The following FGD5 variants were observed in gnomAD, a reference collection of about 807,000 sequenced individuals.
FGD5 encodes FYVE, RhoGEF and PH domain containing 5.
Under a neutral mutation model 133.4 loss-of-function variants are expected in FGD5, and 28 were observed. The ratio of observed to expected loss-of-function variants is 0.21; its 90% CI spans 0.16 to 0.29. The LOEUF is 0.29. Among genes scored for constraint, FGD5 ranks in the 10% least tolerant of loss-of-function variants. FGD5 has a pLI of 1.00. For synonymous variants in FGD5, 810 were observed against 776.5 expected (o/e 1.04, Z -0.72); for missense variants, 1,858 against 1,895.2 (o/e 0.98, Z 0.36).
At chr3:14,823,165 G>T (rs1301497224) in intron 1 of FGD5, among the ~76,000 whole-genome samples, 5 of 152,174 alleles carry the variant, frequency 3.3e-5, no homozygotes, top group Non-Finnish European at 5.9e-5. Context: ...ATAACAATCG[G>T]CAGGGGTGGA....
chr3:14,827,768 G>T (rs1337231795), intron 1 of FGD5, among the ~76,000 whole-genome samples: 1 of 152,098 alleles, frequency 6.6e-6, no homozygotes, highest in Non-Finnish European at 1.5e-5. Flanking sequence ...TGTGTGGCCA[G>T]CTGTGCCTGA....
Position 14,897,545 on chromosome 3 carries a change from A to G in FGD5, c.2785A>G (p.Met929Val). Reference protein sequence around the residue: ...HGAVMRALDDMDHEGRDTLAR... With the variant: ...HGAVMRALDDVDHEGRDTLAR... ...AGCTGTCATGAGGGCCTTGGATGAC[A>G]TGGACCATGAAGGCAGAGACACATT... is the stretch of plus-strand genomic sequence containing the variant. Residue 929 changes from methionine to valine, a missense_variant, in exon 5 of 20, where the codon ATG (methionine) becomes GTG (valine). Physicochemically the swap from Met to Val is conservative, Grantham distance 21. Coordinates refer to ENST00000285046, the MANE Select transcript of FGD5 (RefSeq NM_152536.4). 1 of 1,606,048 alleles carries G rather than the reference A, an allele frequency of 6.2e-7. No individual in the cohort carries two copies. The highest frequency in any genetic ancestry group is 8.5e-7 in the Non-Finnish European group (1 of 1,176,298).
At chr3:14,859,304 C>G (rs991927274) in intron 1 of FGD5, among the ~76,000 whole-genome samples, 9 of 152,102 alleles carry the variant, frequency 5.9e-5, no homozygotes, top group Non-Finnish European at 8.8e-5. Context: ...TGCCTGTAAT[C>G]CCGGCACTTT....
In FGD5 at chr3:14,841,710, G is replaced by A. The variant is rs145947316; in HGVS notation, c.2525+20114G>A. 8.8e-3 allele frequency among the ~76,000 whole-genome samples: 1,341 copies of A among 152,254 alleles called. 8 individuals carry two copies. Among genetic ancestry groups the A allele is most frequent in the Non-Finnish European group, 0.012 (824 of 68,010 alleles). The stretch of plus-strand genomic sequence containing the variant: ...GGCTTTGGAGCAGTCTGCCAGGCTG[G>A]GATCTGGGTGCAAAAGGAAGCCCTG... On this transcript the variant is annotated intron_variant, in intron 1 of 19. Transcript: ENST00000285046.
At chr3:14,881,858 G>T (rs1046260535) in intron 4 of FGD5, among the ~76,000 whole-genome samples, 1 of 152,162 alleles carries the variant, frequency 6.6e-6, no homozygotes, top group Non-Finnish European at 1.5e-5. Flanking sequence ...GGTGTTCCTG[G>T]CTGCCTTGGG....
rs1371575643 is a variant in FGD5 at position 14,820,240 on chromosome 3, T to C, written c.1169T>C (p.Val390Ala). 3.7e-6 allele frequency: 6 copies of C among 1,605,370 alleles called. No individual in the cohort carries two copies. The highest frequency in any genetic ancestry group is 5.1e-6 in the Non-Finnish European group (6 of 1,175,020). The change falls in exon 1 of 20, where the codon GTG (valine) becomes GCG (alanine). Residue 390 changes from valine (V) to alanine (A), a missense_variant. Val to Ala is a moderately conservative substitution (Grantham distance 64). Transcript: ENST00000285046. ...LGLRAEENPM[V>A]GALCGQCGSL... ...CTGCGTGCGGAGGAGAACCCCATGGTGGGGGCTTTGTGTGGCCAGTGTGGC... is the reference window on the plus strand; with the variant it reads ...CTGCGTGCGGAGGAGAACCCCATGGCGGGGGCTTTGTGTGGCCAGTGTGGC...
intron 1 of FGD5, among the ~76,000 whole-genome samples, chr3:14,844,214 AAAAATATATAT>A (rs1313867766): frequency 8.4e-5 from 3 of 35,554 alleles, no homozygotes; most frequent in Non-Finnish European, 1.0e-4. Context: ...TAAAAAAAAA[AAAAATATATAT>A]ATATATATAT....
intron 4 of FGD5, among the ~76,000 whole-genome samples, chr3:14,886,128 T>C (rs1380589184): frequency 6.6e-6 from 1 of 152,232 alleles, no homozygotes; most frequent in African/African-American, 2.4e-5. Flanking sequence ...AGCATCCATT[T>C]CCAAGGTTTC....
At chr3:14,858,972 A>G (rs545704401) in intron 1 of FGD5, among the ~76,000 whole-genome samples, 4 of 152,166 alleles carry the variant, frequency 2.6e-5, no homozygotes, top group Non-Finnish European at 5.9e-5. Flanking sequence ...TGATTTGTTT[A>G]TTTTACTGCT....
rs2038153056 is a variant in FGD5, at chr3:14,897,098, T to G, written c.2749-411T>G. ...GTGGATGCCTATAATTTCCTTAGAC[T>G]TCGTTTTGAAACAACATAGCTCATG... On this transcript the variant is annotated intron_variant, in intron 4 of 19. Transcript: ENST00000285046. 4 of 187,640 alleles carry G rather than the reference T, an allele frequency of 2.1e-5. No individual in the cohort carries two copies. The South Asian group carries it at 5.0e-4, about 23-fold the overall frequency. The allele number at this position is 187,640 out of a possible 1,614,324, so 11.6% of individuals were successfully genotyped here.
intron 2 of FGD5, among the ~76,000 whole-genome samples, chr3:14,871,698 G>A (rs922233730): frequency 3.9e-5 from 6 of 152,186 alleles, no homozygotes; most frequent in Admixed American, 3.3e-4. Context: ...TGAGGTCCTT[G>A]GGGGGCTTGA....
chr3:14,916,269 C>T lies in FGD5; in HGVS notation c.3406-980C>T, dbSNP rs183205091. ...GGAAAGGGCTTGGTCATAGTCTCAACGCTGGTCCATAATATGGTCAGGATT... is the reference window on the plus strand; with the variant it reads ...GGAAAGGGCTTGGTCATAGTCTCAATGCTGGTCCATAATATGGTCAGGATT... On this transcript the variant is annotated intron_variant, in intron 11 of 19. Transcript: ENST00000285046. Among the ~76,000 whole-genome samples the T allele has an allele frequency of 2.6e-3, 399 of 152,330 alleles. 1 individual carries two copies. Among genetic ancestry groups the T allele is most frequent in the African/African-American group, 8.9e-3 (371 of 41,572 alleles).
chr3:14,922,559 G>T lies in FGD5; in HGVS notation c.3807+11G>T. 1 of 1,571,664 alleles carries T rather than the reference G, an allele frequency of 6.4e-7. No individual in the cohort carries two copies. The highest frequency in any genetic ancestry group is 1.2e-5 in the South Asian group (1 of 85,680). ...CACGCCTGTGGCAAGGTGAGTCGCTGCATCTGGGGTGAGTGTGTGCATGGG... is the reference window on the plus strand; with the variant it reads ...CACGCCTGTGGCAAGGTGAGTCGCTTCATCTGGGGTGAGTGTGTGCATGGG... On this transcript the variant is annotated intron_variant, in intron 15 of 19. Transcript: ENST00000285046. The surrounding 1 kb of genome is among the most constrained non-coding windows in gnomAD (Gnocchi z 4.1).
chr3:14,932,836 T>TAATGGGA, intron 19 of FGD5, 105 bp downstream of exon 19: 1 of 1,333,222 alleles, frequency 7.5e-7, no homozygotes, highest in Non-Finnish European at 1.0e-6. Flanking sequence ...TCCTATCCCA[T>TAATGGGA]TAGGTCCCTT....
Position 14,901,089 on chromosome 3 carries a change from T to C in FGD5, c.3264+28T>C, listed in dbSNP as rs778883471. 1.9e-6 allele frequency: 3 copies of C among 1,613,250 alleles called. No individual in the cohort carries two copies. The South Asian group carries it at 3.3e-5, about 18-fold the overall frequency. On this transcript the variant is annotated intron_variant, in intron 9 of 19. Coordinates refer to ENST00000285046, the MANE Select transcript of FGD5 (RefSeq NM_152536.4). ...GAGTGCGGCCTGGCGGCCCCCTTCC[T>C]CAGACACAGGTTCCAGGCACCTCCC...
intron 2 of FGD5, among the ~76,000 whole-genome samples, chr3:14,871,461 G>A (rs557723384): frequency 6.6e-6 from 1 of 152,216 alleles, no homozygotes; most frequent in Admixed American, 6.5e-5. Context: ...GTGAGTGATG[G>A]AGCTGGGAGT....
chr3:14,852,094 T>C (rs2037175195), intron 1 of FGD5, among the ~76,000 whole-genome samples: 1 of 152,252 alleles, frequency 6.6e-6, no homozygotes, highest in South Asian at 2.1e-4. Context: ...ATTCCACTTC[T>C]AGGTATATAC....
chr3:14,864,305 G>A (rs746266223), intron 2 of FGD5, 45 bp downstream of exon 2: 50 of 1,612,452 alleles, frequency 3.1e-5, no homozygotes, highest in Non-Finnish European at 4.2e-5. Context: ...AGACGTGAGG[G>A]TGGAGAGATG....
intron 9 of FGD5, among the ~76,000 whole-genome samples, chr3:14,906,939 C>T (rs2038352957): frequency 6.6e-6 from 1 of 152,204 alleles, no homozygotes; most frequent in Non-Finnish European, 1.5e-5. Context: ...CTTCCTACAT[C>T]TTAAATGGAA....
Sources: gnomAD v4.1 joint callset for allele counts (sites outside exome capture counted in the v4.1 genomes callset) on GRCh38, gnomAD v4.1.1 for gene constraint, Gnocchi (gnomAD v3.1) non-coding constraint, MANE v1.5 for transcripts, NCBI Gene and HGNC (gene_info 2026-07-23, HGNC 2026-07-21) for gene names.